Variants in GRIK2 observed in about 807,000 individuals in gnomAD.
GRIK2 encodes the protein glutamate receptor ionotropic, kainate 2.
A neutral mutation model predicts 100.3 loss-of-function variants in GRIK2; 32 were observed. That is an observed-to-expected ratio of 0.32 (90% CI 0.24 to 0.43). GRIK2 has a LOEUF of 0.43. GRIK2 is among the 20% of genes least tolerant of loss of function. The pLI is 1.00. For missense variants in GRIK2, 843 were observed against 1,114.9 expected (o/e 0.76, Z 3.47); for synonymous variants, 417 against 389.4 (o/e 1.07, Z -0.83).
intron 6 of GRIK2, among the ~76,000 whole-genome samples, chr6:101,683,194 C>T (rs928163619): frequency 1.5e-4 from 22 of 148,140 alleles, no homozygotes; most frequent in African/African-American, 5.4e-4. Flanking sequence ...GAGCTAGACT[C>T]CATCTAGAAA....
At chr6:101,401,987 G>C (rs897239209) in intron 2 of GRIK2, among the ~76,000 whole-genome samples, 10 of 152,066 alleles carry the variant, frequency 6.6e-5, no homozygotes, top group Non-Finnish European at 1.0e-4. Flanking sequence ...TGGCAACGGC[G>C]GAGCCCGCCC....
chr6:101,505,364 A>G (rs918720425), intron 2 of GRIK2, among the ~76,000 whole-genome samples: 4 of 152,116 alleles, frequency 2.6e-5, no homozygotes, highest in Non-Finnish European at 4.4e-5. Flanking sequence ...AGCAGCTGGC[A>G]GTCTAATATT....
chr6:102,026,541 C>G (rs1250466117), intron 14 of GRIK2, among the ~76,000 whole-genome samples: 2 of 151,004 alleles, frequency 1.3e-5, no homozygotes, highest in Admixed American at 1.3e-4. Context: ...AGATAATATG[C>G]AATGAACCTT....
chr6:101,466,919 G>A (rs565364600), intron 2 of GRIK2, among the ~76,000 whole-genome samples: 2 of 152,136 alleles, frequency 1.3e-5, no homozygotes, highest in African/African-American at 2.4e-5. Flanking sequence ...AATTTTAAAG[G>A]TGTTCATTTA....
chr6:101,968,834 A>G (rs1792863029), intron 14 of GRIK2, among the ~76,000 whole-genome samples: 2 of 151,998 alleles, frequency 1.3e-5, no homozygotes, highest in African/African-American at 4.8e-5. Context: ...TAAAATGAGG[A>G]TACTGTAAAC....
At chr6:102,059,241 A>AT (rs1383976097) in intron 16 of GRIK2, among the ~76,000 whole-genome samples, 1 of 151,296 alleles carries the variant, frequency 6.6e-6, no homozygotes. Context: ...GTGTATCATA[A>AT]TTTTTATAAA....
intron 2 of GRIK2, among the ~76,000 whole-genome samples, chr6:101,474,446 T>G (rs1182519124): frequency 2.0e-5 from 3 of 151,996 alleles, no homozygotes; most frequent in Admixed American, 2.0e-4. Context: ...TACTTAGTAT[T>G]GTGTTGTTCA....
intron 4 of GRIK2, among the ~76,000 whole-genome samples, chr6:101,670,228 A>C (rs1485345139): frequency 6.6e-6 from 1 of 152,142 alleles, no homozygotes; most frequent in Non-Finnish European, 1.5e-5. Flanking sequence ...ATCTAGGATC[A>C]GTGTCTTACA....
chr6:101,680,688 TA>T (rs1034565623), intron 5 of GRIK2, among the ~76,000 whole-genome samples: 1 of 151,904 alleles, frequency 6.6e-6, no homozygotes, highest in East Asian at 1.9e-4. Context: ...GTTGATAAAG[TA>T]AAAAAAATTG....
At chr6:101,731,347 G>T (rs563329912) in intron 7 of GRIK2, among the ~76,000 whole-genome samples, 1 of 152,078 alleles carries the variant, frequency 6.6e-6, no homozygotes, top group East Asian at 1.9e-4. Context: ...TTAGGAAGGA[G>T]TGAAAATAAT....
intron 2 of GRIK2, among the ~76,000 whole-genome samples, chr6:101,541,805 A>G (rs1776012263): frequency 6.6e-6 from 1 of 151,966 alleles, no homozygotes; most frequent in Non-Finnish European, 1.5e-5. Context: ...ATAGTGATGG[A>G]GATGCAAACT....
chr6:102,048,069 T>A (rs1430120414), intron 15 of GRIK2, among the ~76,000 whole-genome samples: 1 of 61,526 alleles, frequency 1.6e-5, no homozygotes, highest in East Asian at 4.0e-4. Flanking sequence ...GAACCCACAC[T>A]GTATGGTCAA....
intron 10 of GRIK2, among the ~76,000 whole-genome samples, chr6:101,843,336 C>T (rs1354311115): frequency 6.6e-6 from 1 of 152,078 alleles, no homozygotes; most frequent in Non-Finnish European, 1.5e-5. Flanking sequence ...CTTGTATCCC[C>T]CTGTCTTTCT....
At chr6:101,471,642 T>C (rs1771953563) in intron 2 of GRIK2, among the ~76,000 whole-genome samples, 1 of 152,014 alleles carries the variant, frequency 6.6e-6, no homozygotes, top group Non-Finnish European at 1.5e-5. Flanking sequence ...AAATTAAGGT[T>C]GACATTGATG....
intron 2 of GRIK2, among the ~76,000 whole-genome samples, chr6:101,477,252 AGT>A (rs1772287362): frequency 6.6e-6 from 1 of 152,140 alleles, no homozygotes; most frequent in South Asian, 2.1e-4. Flanking sequence ...ACAATGTTTA[AGT>A]ATCACTCATA....
intron 14 of GRIK2, among the ~76,000 whole-genome samples, chr6:101,942,613 C>T (rs1239438564): frequency 6.6e-6 from 1 of 152,154 alleles, no homozygotes; most frequent in Non-Finnish European, 1.5e-5. Flanking sequence ...AGAAAAGAGA[C>T]TGGTGGCATT....
intron 7 of GRIK2, among the ~76,000 whole-genome samples, chr6:101,692,837 G>A (rs190264667): frequency 6.6e-6 from 1 of 152,062 alleles, no homozygotes; most frequent in East Asian, 1.9e-4. Context: ...ATAAAATATG[G>A]CAGAAATACT....
rs571089078 is a variant in GRIK2 at position 102,065,832 on chromosome 6, C to T, written c.2563-2515C>T. The T allele has an allele frequency of 1.3e-4, 199 of 1,506,080 alleles. 1 individual carries two copies. Among genetic ancestry groups the T allele is most frequent in the Non-Finnish European group, 1.7e-4 (190 of 1,118,992 alleles). The allele number at this position is 1,506,080 out of a possible 1,614,324, so 93.3% of individuals were successfully genotyped here. A position where few individuals can be genotyped will look rare whatever the true frequency, so the allele number is the denominator to read the frequency against. On this transcript the variant is annotated intron_variant, in intron 16 of 16. Transcript: ENST00000369134. The stretch of plus-strand genomic sequence containing the variant: ...CTAAGTTACCTCAAGACTATGTATT[C>T]CTCCCTATTTTGGAGTCAGTTTCCA...
At chr6:101,727,264 C>T (rs1363956609) in intron 7 of GRIK2, among the ~76,000 whole-genome samples, 2 of 152,068 alleles carry the variant, frequency 1.3e-5, no homozygotes, top group Admixed American at 6.6e-5. Flanking sequence ...GTTTGATACA[C>T]AGAAATAGGC....
Sources: gnomAD v4.1 joint callset for allele counts (sites outside exome capture counted in the v4.1 genomes callset) on GRCh38, gnomAD v4.1.1 for gene constraint, MANE v1.5 for transcripts, NCBI Gene and HGNC (gene_info 2026-07-23, HGNC 2026-07-21) for gene names.